The following NOX4 variants were observed in gnomAD, a reference collection of about 807,000 sequenced individuals.
The protein encoded by NOX4 is NADPH oxidase 4.
In NOX4, 69 loss-of-function variants were observed where a neutral mutation model predicts 87.6. The observed-to-expected ratio is 0.79, with a 90% confidence interval of 0.65 to 0.96. The LOEUF is 0.96. Ranked by LOEUF, NOX4 falls within the 40% of genes least tolerant of loss-of-function variation. The pLI is 0.00. For synonymous variants in NOX4, 275 were observed against 238.2 expected (o/e 1.15, Z -1.42); for missense variants, 680 against 681.5 (o/e 1.00, Z 0.02).
intron 2 of NOX4, among the ~76,000 whole-genome samples, chr11:89,454,999 G>T (rs1945123280): frequency 6.6e-6 from 1 of 151,996 alleles, no homozygotes; most frequent in Admixed American, 6.6e-5. Flanking sequence ...ATGTACTGAA[G>T]GATACGGAAG....
exon 1 of NOX4, chr11:89,498,101 A>G: frequency 6.6e-6 from 1 of 152,172 alleles, no homozygotes; most frequent in East Asian, 1.9e-4. Flanking sequence ...CTTTGCGTCC[A>G]CTGTGTGCCA....
the NOX4 span, chr11:89,556,740 T>C: frequency 6.6e-6 from 1 of 152,254 alleles, no homozygotes; most frequent in East Asian, 1.9e-4. Flanking sequence ...TAGAGATATA[T>C]AGTGAGCTCT....
upstream of NOX4, among the ~76,000 whole-genome samples, chr11:89,501,265 T>A (rs1314627883): frequency 6.6e-6 from 1 of 152,006 alleles, no homozygotes; most frequent in Non-Finnish European, 1.5e-5. Flanking sequence ...AGATTAAAAT[T>A]CCCCTAATTT....
the NOX4 span, among the ~76,000 whole-genome samples, chr11:89,579,825 A>T: frequency 2.6e-5 from 4 of 152,106 alleles, no homozygotes; most frequent in Non-Finnish European, 5.9e-5. Context: ...TCAAAAATGA[A>T]GTAGATGTAT....
At chr11:89,430,410 A>G (rs570521372) in intron 7 of NOX4, among the ~76,000 whole-genome samples, 1 of 152,320 alleles carries the variant, frequency 6.6e-6, no homozygotes, top group African/African-American at 2.4e-5. Flanking sequence ...AAGGAAGTCA[A>G]ATCGTCCCTG....
chr11:89,449,593 T>C (rs145015220), intron 3 of NOX4, 69 bp from the exon 4 acceptor site: 333 of 1,219,304 alleles, frequency 2.7e-4, no homozygotes, highest in African/African-American at 2.7e-3. Context: ...CAGTATAGCA[T>C]TGTTCATTAT....
At chr11:89,395,985 A>G (rs142197306) in intron 11 of NOX4, among the ~76,000 whole-genome samples, 5,709 of 152,164 alleles carry the variant, frequency 0.038, 202 homozygotes, top group East Asian at 0.13. Flanking sequence ...TTGGCAATAC[A>G]GGCTCTTTTA....
upstream of NOX4, among the ~76,000 whole-genome samples, chr11:89,493,527 G>A (rs574434603): frequency 8.3e-4 from 126 of 152,082 alleles, no homozygotes; most frequent in Non-Finnish European, 1.5e-3. Context: ...ATGATGGAAT[G>A]CTTATATAAA....
chr11:89,457,102 C>T (rs1945238897), intron 2 of NOX4, among the ~76,000 whole-genome samples: 1 of 152,112 alleles, frequency 6.6e-6, no homozygotes. Flanking sequence ...TAGACCAGCC[C>T]CTGACGATGC....
chr11:89,572,212 A>T, the NOX4 span, among the ~76,000 whole-genome samples: 89 of 152,346 alleles, frequency 5.8e-4, no homozygotes, highest in African/African-American at 2.1e-3. Context: ...ACCTTGGCAA[A>T]ATAAACTTTC....
the NOX4 span, among the ~76,000 whole-genome samples, chr11:89,512,187 C>G: frequency 6.6e-6 from 1 of 151,982 alleles, no homozygotes; most frequent in Non-Finnish European, 1.5e-5. Flanking sequence ...TATGCAAACG[C>G]CCATGGAACT....
chr11:89,533,989 A>G, the NOX4 span: 3 of 152,232 alleles, frequency 2.0e-5, no homozygotes, highest in Non-Finnish European at 4.4e-5. Flanking sequence ...ATATGTTGAA[A>G]GGTCAAATAG....
At chr11:89,548,671 C>T in the NOX4 span, 1 of 152,136 alleles carries the variant, frequency 6.6e-6, no homozygotes, top group Non-Finnish European at 1.5e-5. Context: ...ATCTATTTGT[C>T]TCAATTCTCC....
At chr11:89,411,983 C>G (rs1942505358) in intron 8 of NOX4, among the ~76,000 whole-genome samples, 1 of 152,004 alleles carries the variant, frequency 6.6e-6, no homozygotes, top group African/African-American at 2.4e-5. Flanking sequence ...AAACATATTC[C>G]ATGCCAATGG....
the NOX4 span, among the ~76,000 whole-genome samples, chr11:89,519,745 G>A: frequency 2.6e-4 from 39 of 152,144 alleles, no homozygotes; most frequent in Non-Finnish European, 4.9e-4. Context: ...CAGTACAAGA[G>A]TGTGTATTTC....
intron 17 of NOX4, among the ~76,000 whole-genome samples, chr11:89,330,592 G>A (rs1023832697): frequency 7.0e-6 from 1 of 143,764 alleles, no homozygotes; most frequent in East Asian, 2.1e-4. Flanking sequence ...AAGGAATCCA[G>A]TTCAGGAACC....
chr11:89,435,714 C>T (rs1021708942), intron 6 of NOX4, among the ~76,000 whole-genome samples: 11 of 152,068 alleles, frequency 7.2e-5, no homozygotes, highest in Non-Finnish European at 1.0e-4. Flanking sequence ...AAGGGCCAGA[C>T]GACCCAGCCA....
intron 7 of NOX4, 107 bp downstream of exon 7, chr11:89,432,677 A>C (rs952050082): frequency 2.6e-6 from 2 of 757,420 alleles, no homozygotes; most frequent in Non-Finnish European, 4.6e-6. Context: ...CTTACCCAGA[A>C]TAGTCCATTA....
intron 8 of NOX4, among the ~76,000 whole-genome samples, chr11:89,418,422 G>GAAGAAT (rs369936001): frequency 2.4e-4 from 34 of 139,752 alleles, no homozygotes; most frequent in Middle Eastern, 3.4e-3. Flanking sequence ...TGAACATTGA[G>GAAGAAT]AATAATAATA....
Sources: gnomAD v4.1 joint callset for allele counts (sites outside exome capture counted in the v4.1 genomes callset) on GRCh38, gnomAD v4.1.1 for gene constraint, MANE v1.5 for transcripts, NCBI Gene and HGNC (gene_info 2026-07-23, HGNC 2026-07-21) for gene names.